Variants in TIAM1 observed in about 807,000 individuals in gnomAD.
TIAM1 encodes the protein rho guanine nucleotide exchange factor TIAM1.
Under a neutral mutation model 163.5 loss-of-function variants are expected in TIAM1, and 65 were observed. That is an observed-to-expected ratio of 0.40 (90% CI 0.33 to 0.49). TIAM1 has a LOEUF of 0.49. Among genes scored for constraint, TIAM1 ranks in the 20% least tolerant of loss-of-function variants. TIAM1 has a pLI of 0.77. For missense variants in TIAM1, 1,789 were observed against 2,044.7 expected, an observed-to-expected ratio of 0.87 and a Z score of 2.41; for synonymous variants, 833 against 810.1, an observed-to-expected ratio of 1.03 and a Z score of -0.48.
chr21:31,288,558 A>G (rs188095671), intron 2 of TIAM1, among the ~76,000 whole-genome samples: 213 of 152,306 alleles, frequency 1.4e-3, no homozygotes, highest in African/African-American at 4.6e-3. Flanking sequence ...TAAAGGCCCC[A>G]CCGCATGATA....
At chr21:31,469,244 A>G (rs1325195065) in intron 1 of TIAM1, among the ~76,000 whole-genome samples, 1 of 151,426 alleles carries the variant, frequency 6.6e-6, no homozygotes, top group Non-Finnish European at 1.5e-5. Context: ...ACGCCACCAC[A>G]CCATACCTGG....
At chr21:31,547,575 C>T (rs1327262045) in intron 1 of TIAM1, among the ~76,000 whole-genome samples, 1 of 152,130 alleles carries the variant, frequency 6.6e-6, no homozygotes, top group Non-Finnish European at 1.5e-5. Context: ...CTAAGAACCA[C>T]AGTTACAAGG....
intron 6 of TIAM1, among the ~76,000 whole-genome samples, chr21:31,235,385 A>G (rs1177168450): frequency 6.6e-6 from 1 of 152,240 alleles, no homozygotes; most frequent in East Asian, 1.9e-4. Flanking sequence ...TAACAATGTA[A>G]TAACACTGAT....
intron 16 of TIAM1, among the ~76,000 whole-genome samples, chr21:31,157,319 A>T (rs1457720699): frequency 6.6e-6 from 1 of 152,210 alleles, no homozygotes; most frequent in Non-Finnish European, 1.5e-5. Context: ...TCAAGCAATA[A>T]ATGTTTGCAA....
In TIAM1 at chr21:31,127,151, A is replaced by G. The variant is rs1464111942; in HGVS notation, c.4047T>C (p.Asp1349=). The change falls in exon 26 of 28, where the codon GAT becomes GAC. Residue 1349 remains aspartate (D), a splice_region_variant and synonymous_variant. Coordinates refer to ENST00000541036, the MANE Select transcript of TIAM1 (RefSeq NM_001353694.2). The part of the protein sequence containing the change: ...ALQVRALASA[D]AEANAVCEIV... ...TTTCACACACGGCATTTGCCTCTGC[A>G]TCTAAAGAAATTAAAACAACAATGA... is the stretch of plus-strand genomic sequence containing the variant. The G allele has an allele frequency of 1.9e-6, 3 of 1,613,670 alleles. No individual in the cohort carries two copies. The highest frequency in any genetic ancestry group is 2.5e-6 in the Non-Finnish European group (3 of 1,179,668).
At chr21:31,537,755 GAA>G (rs143264200) in intron 1 of TIAM1, among the ~76,000 whole-genome samples, 2 of 135,762 alleles carry the variant, frequency 1.5e-5, no homozygotes, top group Non-Finnish European at 1.6e-5. Context: ...ATCTCCAAAA[GAA>G]AAAAAAAAAG....
At chr21:31,385,966 T>C (rs549710336) in intron 2 of TIAM1, among the ~76,000 whole-genome samples, 3 of 147,944 alleles carry the variant, frequency 2.0e-5, no homozygotes, top group Admixed American at 6.8e-5. Flanking sequence ...ATATATTATA[T>C]ATAATATATA....
chr21:31,320,852 C>T (rs958213602), intron 2 of TIAM1, among the ~76,000 whole-genome samples: 5 of 152,114 alleles, frequency 3.3e-5, no homozygotes, highest in Admixed American at 6.5e-5. Flanking sequence ...AATTAGCCAG[C>T]GTGGTGGCAC....
intron 1 of TIAM1, among the ~76,000 whole-genome samples, chr21:31,542,072 C>T (rs1227297786): frequency 6.6e-6 from 1 of 152,202 alleles, no homozygotes; most frequent in South Asian, 2.1e-4. Flanking sequence ...GACCCAACCA[C>T]AGGCATTCAA....
intron 16 of TIAM1, among the ~76,000 whole-genome samples, chr21:31,162,642 CTTTT>C (rs113256464): frequency 2.9e-5 from 4 of 139,464 alleles, no homozygotes; most frequent in Admixed American, 7.2e-5. Context: ...ACTTCTTAAT[CTTTT>C]TTTTTTTTTT....
chr21:31,555,350 C>T (rs1210613638), intron 1 of TIAM1, among the ~76,000 whole-genome samples: 1 of 151,870 alleles, frequency 6.6e-6, no homozygotes, highest in Non-Finnish European at 1.5e-5. Context: ...GGAGAGTTAC[C>T]CTTAGAAACA....
rs1442372340 is a variant in TIAM1, at chr21:31,383,392, T to C, written c.-368-43970A>G. Among the ~76,000 whole-genome samples the C allele has an allele frequency of 2.0e-5, 3 of 152,174 alleles. No homozygotes were observed. The East Asian group carries it at 5.8e-4, about 29-fold the overall frequency. Reference sequence around the variant, plus strand: ...TTACAAGGATTGTGCAAAATGATGTTCATTGAATACCTATTATGTACCCGA... The same window carrying C: ...TTACAAGGATTGTGCAAAATGATGTCCATTGAATACCTATTATGTACCCGA... On this transcript the variant is annotated intron_variant, in intron 2 of 28. Transcript: ENST00000286827.
intron 2 of TIAM1, among the ~76,000 whole-genome samples, chr21:31,434,721 G>A (rs511858): frequency 1 from 152,300 of 152,302 alleles, 76,149 homozygotes; most frequent in Non-Finnish European, 1. Context: ...TCCCAAACGC[G>A]ATAGCTCAGA....
intron 1 of TIAM1, among the ~76,000 whole-genome samples, chr21:31,552,263 A>G (rs988291861): frequency 4.6e-5 from 7 of 151,882 alleles, no homozygotes; most frequent in African/African-American, 1.5e-4. Context: ...CAGCCTGCAC[A>G]TTATTTTTAC....
chr21:31,395,467 G>C lies in TIAM1; in HGVS notation c.-368-56045C>G, dbSNP rs1000781572. The stretch of plus-strand genomic sequence containing the variant: ...GCAGCAGGGAAAATTGGACAAGAGG[G>C]GCCCTCGGAGACCGAGGTCATCTAA... On this transcript the variant is annotated intron_variant, in intron 2 of 28. Transcript: ENST00000286827. The surrounding 1 kb of genome is among the most constrained non-coding windows in gnomAD (Gnocchi z 7.5). Among the ~76,000 whole-genome samples, 1 of 152,068 alleles carries C rather than the reference G, an allele frequency of 6.6e-6. No individual in the cohort carries two copies. The highest frequency in any genetic ancestry group is 1.5e-5 in the Non-Finnish European group (1 of 68,004).
At chr21:31,323,519 G>A (rs868714076) in intron 2 of TIAM1, among the ~76,000 whole-genome samples, 1 of 151,944 alleles carries the variant, frequency 6.6e-6, no homozygotes, top group Non-Finnish European at 1.5e-5. Flanking sequence ...GACCAACCTG[G>A]CACCATCTCT....
At chr21:31,365,395 T>C (rs1017101567) in intron 2 of TIAM1, among the ~76,000 whole-genome samples, 2 of 149,000 alleles carry the variant, frequency 1.3e-5, no homozygotes, top group African/African-American at 4.9e-5. Context: ...TTCTTTTTTT[T>C]TTTTTTTTTT....
Position 31,322,164 on chromosome 21 carries a change from C to G in TIAM1, c.-189+17079G>C, listed in dbSNP as rs550005515. On this transcript the variant is annotated intron_variant, in intron 2 of 27. Transcript: ENST00000541036. ...TTTTGATTGCCATCTTTTTGCTTAG[C>G]CATATATTCTAGTGTTCCTATAATG... Among the ~76,000 whole-genome samples, 17 of 152,280 alleles carry G rather than the reference C, an allele frequency of 1.1e-4. No homozygotes were observed. In the South Asian group the frequency reaches 3.5e-3, roughly 32 times the overall value.
intron 1 of TIAM1, among the ~76,000 whole-genome samples, chr21:31,489,439 C>G (rs8133500): frequency 0.83 from 101,230 of 122,402 alleles, 42,119 homozygotes; most frequent in African/African-American, 0.9. Context: ...GAACAAGAAG[C>G]AGGAGGAGAA....
Sources: allele counts gnomAD v4.1 joint callset (sites outside exome capture counted in the v4.1 genomes callset), GRCh38; gene constraint gnomAD v4.1.1; non-coding constraint Gnocchi (gnomAD v3.1); transcripts MANE v1.5; gene names NCBI Gene and HGNC (gene_info 2026-07-23, HGNC 2026-07-21).